Variants in RANBP17 observed in about 807,000 individuals in gnomAD.
RANBP17 encodes the protein RAN binding protein 17, also known as ran-binding protein 17.
In RANBP17, 158 loss-of-function variants were observed where a neutral mutation model predicts 141.2. That is an observed-to-expected ratio of 1.12 (90% CI 0.98 to 1.28). The LOEUF is 1.28. RANBP17 is among the 50% of genes most tolerant of loss of function. The pLI is 0.00. For synonymous variants in RANBP17, 430 were observed against 450.0 expected, an observed-to-expected ratio of 0.96 and a Z score of 0.56; for missense variants, 1,438 against 1,290.7, an observed-to-expected ratio of 1.11 and a Z score of -1.75.
At position 171,181,188 on chromosome 5, in the gene RANBP17, G is replaced by A. The variant is rs151191684; in HGVS notation, c.1866-1979G>A. ...CCTTGATCTTGTTGCCCTGCAGCCTGCCAGAAAAACCCAGTGCTTTGTGGC... is the reference window on the plus strand; with the variant it reads ...CCTTGATCTTGTTGCCCTGCAGCCTACCAGAAAAACCCAGTGCTTTGTGGC... On this transcript the variant is annotated intron_variant, in intron 16 of 27. Coordinates refer to ENST00000523189, the MANE Select transcript of RANBP17 (RefSeq NM_022897.5). Among the ~76,000 whole-genome samples the A allele has an allele frequency of 5.6e-3, 852 of 152,158 alleles. 11 individuals are homozygous for A. Among genetic ancestry groups the A allele is most frequent in the African/African-American group, 0.016 (647 of 41,526 alleles).
At chr5:171,188,193 A>G (rs1761397063) in intron 18 of RANBP17, among the ~76,000 whole-genome samples, 2 of 152,256 alleles carry the variant, frequency 1.3e-5, no homozygotes, top group South Asian at 4.1e-4. Context: ...GCTAAGTGAC[A>G]ACTAGGGCTG....
chr5:171,286,563 A>G (rs1241409253), intron 25 of RANBP17, among the ~76,000 whole-genome samples: 1 of 152,232 alleles, frequency 6.6e-6, no homozygotes, highest in African/African-American at 2.4e-5. Flanking sequence ...GCAGGAAAAT[A>G]TAACTAATTA....
At chr5:171,143,006 A>G (rs559038904) in intron 14 of RANBP17, among the ~76,000 whole-genome samples, 1 of 152,330 alleles carries the variant, frequency 6.6e-6, no homozygotes, top group African/African-American at 2.4e-5. Flanking sequence ...TATTTTTAAA[A>G]TCTATTTTAT....
intron 13 of RANBP17, among the ~76,000 whole-genome samples, chr5:170,956,596 A>G (rs1775716631): frequency 6.6e-6 from 1 of 151,846 alleles, no homozygotes; most frequent in Admixed American, 6.6e-5. Context: ...GATTATAGGC[A>G]TATGCCACCA....
intron 14 of RANBP17, among the ~76,000 whole-genome samples, chr5:171,061,812 G>A (rs1307895467): frequency 6.6e-6 from 1 of 152,134 alleles, no homozygotes; most frequent in Non-Finnish European, 1.5e-5. Flanking sequence ...CTCTTTGTAG[G>A]TCACTCAGGA....
chr5:170,980,955 C>T (rs1280778166), intron 14 of RANBP17, among the ~76,000 whole-genome samples: 1 of 152,150 alleles, frequency 6.6e-6, no homozygotes, highest in African/African-American at 2.4e-5. Context: ...CCCTGCAGAG[C>T]CACAGGAGCG....
At chr5:171,024,895 T>C (rs1195696404) in intron 14 of RANBP17, among the ~76,000 whole-genome samples, 1 of 152,178 alleles carries the variant, frequency 6.6e-6, no homozygotes, top group East Asian at 1.9e-4. Context: ...GCCTGTCTTC[T>C]GAATTTTAAA....
rs1045683678 is a variant in RANBP17, at chr5:170,899,103, C to T, written c.489+2988C>T. 3.9e-5 allele frequency among the ~76,000 whole-genome samples: 6 copies of T among 152,270 alleles called. No individual in the cohort carries two copies. The East Asian group carries it at 1.2e-3, about 29-fold the overall frequency. Reference sequence around the variant, plus strand: ...AGGATAGCTTTGAATCTATAAATTACTTTGGGCAATATGGCCATTTTCACA... The same window carrying T: ...AGGATAGCTTTGAATCTATAAATTATTTTGGGCAATATGGCCATTTTCACA... On this transcript the variant is annotated intron_variant, in intron 5 of 27. Transcript: ENST00000523189.
intron 22 of RANBP17, among the ~76,000 whole-genome samples, chr5:171,234,684 T>C (rs1416476313): frequency 6.6e-6 from 1 of 152,184 alleles, no homozygotes; most frequent in Non-Finnish European, 1.5e-5. Flanking sequence ...AGTCAAGAGA[T>C]TTGAGCACAA....
chr5:171,022,522 C>G (rs1447883674), intron 14 of RANBP17, among the ~76,000 whole-genome samples: 2 of 152,212 alleles, frequency 1.3e-5, no homozygotes, highest in African/African-American at 4.8e-5. Context: ...GGAACCCCAC[C>G]CAGTGAGGAA....
Position 171,102,036 on chromosome 5 carries a change from A to G in RANBP17, c.1711-68094A>G, listed in dbSNP as rs888514002. On this transcript the variant is annotated intron_variant, in intron 14 of 27. Transcript: ENST00000523189. Reference sequence around the variant, plus strand: ...GTCTGCCCTTAACATTTTTTCCTTCATTTCAACCTTGGAGAATCTGATGAT... The same window carrying G: ...GTCTGCCCTTAACATTTTTTCCTTCGTTTCAACCTTGGAGAATCTGATGAT... Among the ~76,000 whole-genome samples, 14 of 151,992 alleles carry G rather than the reference A, an allele frequency of 9.2e-5. 1 individual carries two copies. Among genetic ancestry groups the G allele is most frequent in the Admixed American group, 4.6e-4 (7 of 15,270 alleles).
intron 14 of RANBP17, among the ~76,000 whole-genome samples, chr5:171,039,275 A>G (rs1486133917): frequency 6.7e-6 from 1 of 148,802 alleles, no homozygotes; most frequent in East Asian, 2.0e-4. Context: ...CTTTTTAATA[A>G]TAACTATTCT....
At chr5:170,900,802 G>T (rs1252456251) in intron 5 of RANBP17, among the ~76,000 whole-genome samples, 1 of 152,180 alleles carries the variant, frequency 6.6e-6, no homozygotes, top group Non-Finnish European at 1.5e-5. Context: ...AGGTTGTTCA[G>T]TTTCCATGTA....
intron 14 of RANBP17, among the ~76,000 whole-genome samples, chr5:171,161,167 T>A (rs553688119): frequency 6.6e-6 from 1 of 152,338 alleles, no homozygotes; most frequent in East Asian, 1.9e-4. Context: ...AGTAACTGGT[T>A]TCTGGAATTA....
intron 23 of RANBP17, among the ~76,000 whole-genome samples, chr5:171,241,835 T>C (rs1016586034): frequency 3.3e-5 from 5 of 152,182 alleles, no homozygotes; most frequent in African/African-American, 1.2e-4. Context: ...TTAACGTGTG[T>C]TAAAAATATA....
intron 13 of RANBP17, among the ~76,000 whole-genome samples, chr5:170,963,886 GAT>G (rs1469661540): frequency 6.6e-6 from 1 of 152,054 alleles, no homozygotes; most frequent in African/African-American, 2.4e-5. Context: ...TCAACCCTCT[GAT>G]ATATAAATAA....
intron 14 of RANBP17, among the ~76,000 whole-genome samples, chr5:171,080,525 A>G (rs535818881): frequency 2.0e-5 from 3 of 152,318 alleles, no homozygotes; most frequent in South Asian, 2.1e-4. Flanking sequence ...GGAGTTTGAC[A>G]TTTTGTCTGA....
rs570990635 is a variant in RANBP17, at chr5:170,971,155, G to A, written c.1710+2778G>A. Among the ~76,000 whole-genome samples, 107 of 152,296 alleles carry A rather than the reference G, an allele frequency of 7.0e-4. 1 individual carries two copies. Among genetic ancestry groups the A allele is most frequent in the African/African-American group, 2.4e-3 (100 of 41,562 alleles). ...TAAGCATCTTGAACATTTTATAAAA[G>A]CCTGTATAGACAACAGAATATAATT... On this transcript the variant is annotated intron_variant, in intron 14 of 27. Coordinates refer to ENST00000523189, the MANE Select transcript of RANBP17 (RefSeq NM_022897.5).
chr5:171,179,628 A>G (rs1760751942), intron 16 of RANBP17, among the ~76,000 whole-genome samples: 1 of 152,200 alleles, frequency 6.6e-6, no homozygotes, highest in South Asian at 2.1e-4. Flanking sequence ...CTTAGTGAAT[A>G]TCATGTATCT....
Sources: allele counts gnomAD v4.1 joint callset (sites outside exome capture counted in the v4.1 genomes callset), GRCh38; gene constraint gnomAD v4.1.1; transcripts MANE v1.5; gene names NCBI Gene and HGNC (gene_info 2026-07-23, HGNC 2026-07-21).